Variants in NUGGC observed in about 807,000 individuals in gnomAD.
The protein encoded by NUGGC is nuclear GTPase SLIP-GC.
Under a neutral mutation model 92.6 loss-of-function variants are expected in NUGGC, and 58 were observed. The observed-to-expected ratio is 0.63, with a 90% CI of 0.51 to 0.78. The LOEUF (loss-of-function observed/expected upper bound fraction) is 0.78. Ranked by LOEUF, NUGGC falls within the 30% of genes least tolerant of loss-of-function variation. NUGGC has a pLI of 0.00. For synonymous variants in NUGGC, 376 were observed against 366.4 expected (o/e 1.03, Z -0.30); for missense variants, 925 against 964.6 (o/e 0.96, Z 0.54).
intron 11 of NUGGC, 112 bp from the exon 12 acceptor site, chr8:28,045,772 T>A: frequency 1.7e-6 from 2 of 1,176,402 alleles, no homozygotes; most frequent in South Asian, 1.5e-5. Context: ...AGAGTTGAGA[T>A]CCCAAGTGGG....
chr8:28,063,487 G>A (rs1223329051), intron 7 of NUGGC, among the ~76,000 whole-genome samples: 1 of 152,216 alleles, frequency 6.6e-6, no homozygotes, highest in Non-Finnish European at 1.5e-5. Flanking sequence ...CACAAGGCCA[G>A]GCCTGAGCCA....
At chr8:28,065,776 T>C (rs141535345) in intron 6 of NUGGC, among the ~76,000 whole-genome samples, 1 of 152,352 alleles carries the variant, frequency 6.6e-6, no homozygotes, top group East Asian at 1.9e-4. Context: ...ATTAAATCGC[T>C]GGATTTGTTG....
chr8:28,032,122 A>G (rs1303836184), intron 14 of NUGGC, among the ~76,000 whole-genome samples: 2 of 152,220 alleles, frequency 1.3e-5, no homozygotes, highest in Non-Finnish European at 2.9e-5. Context: ...CGGTGCAGGC[A>G]GAGGTTGGAA....
rs1384302597 is a variant in NUGGC, at chr8:28,034,059, T to C, written c.1612-362A>G. Among the ~76,000 whole-genome samples, 5 of 152,248 alleles carry C rather than the reference T, an allele frequency of 3.3e-5. No homozygotes were observed. The East Asian group carries it at 9.6e-4, about 29-fold the overall frequency. The stretch of plus-strand genomic sequence containing the variant: ...CCTCAACATCTGGGAATAACTTAAG[T>C]AGTGTTTGAGAAATATTTGCTAAAT... On this transcript the variant is annotated intron_variant, in intron 13 of 18. Coordinates refer to ENST00000413272, the MANE Select transcript of NUGGC (RefSeq NM_001010906.2).
At chr8:28,023,958 G>A (rs967317217) in intron 18 of NUGGC, among the ~76,000 whole-genome samples, 8 of 152,174 alleles carry the variant, frequency 5.3e-5, no homozygotes, top group South Asian at 2.1e-4. Flanking sequence ...CGGATTAAAC[G>A]TGAGTCTGGA....
intron 17 of NUGGC, among the ~76,000 whole-genome samples, chr8:28,027,365 G>A (rs975008790): frequency 1.3e-5 from 2 of 152,212 alleles, no homozygotes; most frequent in East Asian, 3.8e-4. Flanking sequence ...TGAAGGCATG[G>A]CGGAGAGAAT....
At chr8:28,029,233 G>A (rs1809348920) in intron 17 of NUGGC, 33 bp downstream of exon 17, 1 of 1,589,128 alleles carries the variant, frequency 6.3e-7, no homozygotes, top group African/African-American at 1.3e-5. Flanking sequence ...GAGCCTCTCG[G>A]GGTCTAGGAT....
intron 13 of NUGGC, among the ~76,000 whole-genome samples, chr8:28,038,607 A>T (rs1217229850): frequency 6.6e-6 from 1 of 152,232 alleles, no homozygotes; most frequent in Non-Finnish European, 1.5e-5. Context: ...CTTGGCAACC[A>T]TGCCTTGTAT....
chr8:28,060,442 A>C lies in NUGGC; in HGVS notation c.1081T>G (p.Leu361Val). Residue 361 changes from leucine to valine, a missense_variant, in exon 8 of 19, where the codon TTG becomes GTG. Coordinates refer to ENST00000413272, the MANE Select transcript of NUGGC (RefSeq NM_001010906.2). ...LVVTKMDKLHLPEYLRERKAG... is the reference protein window; with the variant it reads ...LVVTKMDKLHVPEYLRERKAG... ...GCACAATACCTTAGGTATTCTGGCA[A>C]GTGGAGTTTGTCCATCTTGGTGACC... is the stretch of plus-strand genomic sequence containing the variant. The C allele has an allele frequency of 6.2e-7, 1 of 1,613,804 alleles. No homozygotes were observed. The highest frequency in any genetic ancestry group is 8.5e-7 in the Non-Finnish European group (1 of 1,179,792).
intron 7 of NUGGC, among the ~76,000 whole-genome samples, chr8:28,061,905 A>G (rs144425385): frequency 6.6e-6 from 1 of 152,294 alleles, no homozygotes; most frequent in East Asian, 1.9e-4. Flanking sequence ...AAATGTCAAG[A>G]GTTTGAGAAA....
At chr8:28,037,012 C>T (rs984622884) in intron 13 of NUGGC, among the ~76,000 whole-genome samples, 10 of 152,122 alleles carry the variant, frequency 6.6e-5, no homozygotes, top group African/African-American at 2.4e-4. Context: ...TGTCTACAGA[C>T]GGTATAATTA....
chr8:28,074,434 C>A lies in NUGGC; in HGVS notation c.-24G>T. 6.2e-7 allele frequency: 1 copy of A among 1,613,154 alleles called. No individual in the cohort carries two copies. The highest frequency in any genetic ancestry group is 8.5e-7 in the Non-Finnish European group (1 of 1,179,456). On this transcript the variant is annotated 5_prime_UTR_variant, in exon 2 of 19. Coordinates refer to ENST00000413272, the MANE Select transcript of NUGGC (RefSeq NM_001010906.2). Reference sequence around the variant, plus strand: ...ATTCCTTGTTACGTGAACTCCTGCTCTTCTCAGTTCAGGAGAACCAGCCTG... The same window carrying A: ...ATTCCTTGTTACGTGAACTCCTGCTATTCTCAGTTCAGGAGAACCAGCCTG...
At chr8:28,035,824 TTTTG>T (rs879448269) in intron 13 of NUGGC, among the ~76,000 whole-genome samples, 15 of 152,318 alleles carry the variant, frequency 9.8e-5, no homozygotes, top group Admixed American at 7.8e-4. Flanking sequence ...TCTGGTTTGC[TTTTG>T]TTTGTTTGTT....
intron 17 of NUGGC, among the ~76,000 whole-genome samples, chr8:28,027,869 C>T (rs1809309060): frequency 6.6e-6 from 1 of 152,156 alleles, no homozygotes; most frequent in Admixed American, 6.5e-5. Context: ...CAGCAAGCCA[C>T]ATTATCGATC....
intron 10 of NUGGC, among the ~76,000 whole-genome samples, chr8:28,048,289 G>A (rs1809892429): frequency 6.6e-6 from 1 of 152,184 alleles, no homozygotes; most frequent in Admixed American, 6.5e-5. Flanking sequence ...CACTGCCTGC[G>A]TGTTATGGGC....
chr8:28,060,000 G>A lies in NUGGC; in HGVS notation c.1097+426C>T, dbSNP rs111729050. Among the ~76,000 whole-genome samples the A allele has an allele frequency of 9.1e-4, 137 of 151,330 alleles. No homozygotes were observed. The Middle Eastern group carries it at 0.02, about 23-fold the overall frequency. ...CGTGCCATTGCACTCCAGCCTGGGC[G>A]GCACAGCAAGACTCTGTGCCAAAAA... On this transcript the variant is annotated intron_variant, in intron 8 of 18. Coordinates refer to ENST00000413272, the MANE Select transcript of NUGGC (RefSeq NM_001010906.2).
intron 6 of NUGGC, among the ~76,000 whole-genome samples, chr8:28,065,257 T>C (rs1810412585): frequency 6.7e-6 from 1 of 148,626 alleles, no homozygotes; most frequent in Admixed American, 6.8e-5. Flanking sequence ...GCCTCCCGGG[T>C]TCACGCCATT....
intron 14 of NUGGC, among the ~76,000 whole-genome samples, chr8:28,032,531 C>T (rs1221831181): frequency 6.6e-6 from 1 of 151,874 alleles, no homozygotes; most frequent in East Asian, 2.0e-4. Context: ...TCCTGGCTAA[C>T]ATGGTGAAAC....
chr8:28,052,002 C>T (rs1810018733), intron 10 of NUGGC, among the ~76,000 whole-genome samples: 1 of 152,002 alleles, frequency 6.6e-6, no homozygotes, highest in African/African-American at 2.4e-5. Context: ...TCAAGTGAAC[C>T]ATAACATACC....
Sources: allele counts gnomAD v4.1 joint callset (sites outside exome capture counted in the v4.1 genomes callset), GRCh38; gene constraint gnomAD v4.1.1; transcripts MANE v1.5; gene names NCBI Gene and HGNC (gene_info 2026-07-23, HGNC 2026-07-21).